DLGAP2: variants seen among roughly 807,000 people sequenced by gnomAD.
DLGAP2 encodes the protein DLG associated protein 2, also known as disks large-associated protein 2.
A neutral mutation model predicts 100.3 loss-of-function variants in DLGAP2; 26 were observed. The observed-to-expected ratio is 0.26, with a 90% CI of 0.19 to 0.36. The LOEUF is 0.36. DLGAP2 is among the 10% of genes least tolerant of loss of function. The pLI is 1.00. For synonymous variants in DLGAP2, 886 were observed against 630.1 expected (o/e 1.41, Z -6.08); for missense variants, 1,858 against 1,453.2 (o/e 1.28, Z -4.53).
chr8:922,646 T>C (rs1229861412), intron 2 of DLGAP2, among the ~76,000 whole-genome samples: 1 of 152,216 alleles, frequency 6.6e-6, no homozygotes, highest in Non-Finnish European at 1.5e-5. Context: ...ATGAACCATA[T>C]CTAATAGAAA....
intron 2 of DLGAP2, among the ~76,000 whole-genome samples, chr8:1,223,755 G>A (rs1446608408): frequency 6.6e-6 from 1 of 152,168 alleles, no homozygotes; most frequent in Non-Finnish European, 1.5e-5. Flanking sequence ...TTCCCTAAGG[G>A]AAGTGGGATA....
At chr8:950,464 G>C (rs1387102162) in intron 2 of DLGAP2, among the ~76,000 whole-genome samples, 1 of 152,028 alleles carries the variant, frequency 6.6e-6, no homozygotes, top group Non-Finnish European at 1.5e-5. Flanking sequence ...ATTTATGAAG[G>C]AACATTTGGT....
At chr8:1,297,104 C>G (rs1392520489) in intron 3 of DLGAP2, 1 of 152,252 alleles carries the variant, frequency 6.6e-6, no homozygotes, top group Non-Finnish European at 1.5e-5. Context: ...TTCCTCTTCT[C>G]CCTCTTTGCT....
chr8:830,524 C>A (rs1044675936), intron 1 of DLGAP2, among the ~76,000 whole-genome samples: 1 of 152,126 alleles, frequency 6.6e-6, no homozygotes, highest in African/African-American at 2.4e-5. Flanking sequence ...TAATTTTTAA[C>A]ATTTGCTTTT....
rs186923624 is a variant in DLGAP2, at chr8:1,585,837, G to A, written c.1442+19943G>A. ...GACTCATTGTAAAGAGCTAACACAC[G>A]TAATTGTGTGAAGTGGAGTGTCACT... On this transcript the variant is annotated intron_variant, in intron 6 of 14. Coordinates refer to ENST00000637795, the MANE Select transcript of DLGAP2 (RefSeq NM_001346810.2). Among the ~76,000 whole-genome samples, 7 of 152,268 alleles carry A rather than the reference G, an allele frequency of 4.6e-5. 1 individual carries two copies. The highest frequency in any genetic ancestry group is 1.9e-4 in the East Asian group (1 of 5,184).
At chr8:1,472,163 G>C (rs1222296812) in intron 3 of DLGAP2, among the ~76,000 whole-genome samples, 2 of 152,212 alleles carry the variant, frequency 1.3e-5, no homozygotes, top group Non-Finnish European at 2.9e-5. Flanking sequence ...CTCAGACGGG[G>C]CCGCACTGGG....
At chr8:1,217,582 T>A (rs1798238910) in intron 2 of DLGAP2, among the ~76,000 whole-genome samples, 1 of 152,184 alleles carries the variant, frequency 6.6e-6, no homozygotes, top group Admixed American at 6.5e-5. Context: ...TGATTTCCTT[T>A]AGCAGTTTTG....
intron 2 of DLGAP2, among the ~76,000 whole-genome samples, chr8:1,063,671 C>T (rs1803157355): frequency 6.6e-6 from 1 of 151,962 alleles, no homozygotes; most frequent in South Asian, 2.1e-4. Flanking sequence ...TTTAAAAGTT[C>T]CTGTTATCAA....
Position 1,565,792 on chromosome 8 carries a change from G to A in DLGAP2, c.1340G>A (p.Ser447Asn), listed in dbSNP as rs1802373534. The A allele has an allele frequency of 6.8e-6, 11 of 1,613,892 alleles. No homozygotes were observed. The highest frequency in any genetic ancestry group is 9.3e-6 in the Non-Finnish European group (11 of 1,179,864). ...ATTAAAGCCATGGGGGACGAGGAGA[G>A]CGGAGAGTCAGACTCCAGCCCCAAG... ...SYIKAMGDEE[S>N]GESDSSPKTS... is the part of the protein sequence containing the mutation. Residue 447 changes from serine (S) to asparagine (N), a missense_variant, in exon 6 of 15, where the codon AGC (serine) becomes AAC (asparagine). Transcript: ENST00000637795.
At chr8:909,499 TTTAAG>T (rs986329996) in intron 2 of DLGAP2, among the ~76,000 whole-genome samples, 2 of 152,168 alleles carry the variant, frequency 1.3e-5, no homozygotes, top group Non-Finnish European at 2.9e-5. Context: ...TGTAAATGGT[TTTAAG>T]TTAATTTGGA....
At chr8:956,567 A>G (rs926091012) in intron 2 of DLGAP2, among the ~76,000 whole-genome samples, 18 of 152,222 alleles carry the variant, frequency 1.2e-4, no homozygotes, top group African/African-American at 4.3e-4. Flanking sequence ...AGGAGGGGCC[A>G]CAGAGCCACG....
chr8:1,635,853 G>C (rs1003256754), intron 8 of DLGAP2, among the ~76,000 whole-genome samples: 2 of 152,184 alleles, frequency 1.3e-5, no homozygotes, highest in African/African-American at 2.4e-5. Flanking sequence ...CCCAGAGGAC[G>C]TCTGTTGGTT....
At chr8:1,555,902 G>C (rs1042239649) in intron 5 of DLGAP2, among the ~76,000 whole-genome samples, 1 of 152,214 alleles carries the variant, frequency 6.6e-6, no homozygotes, top group African/African-American at 2.4e-5. Context: ...AATCCTTCAC[G>C]CCTCCGTTTG....
At chr8:1,331,754 G>T (rs932271368) in intron 3 of DLGAP2, among the ~76,000 whole-genome samples, 1 of 152,180 alleles carries the variant, frequency 6.6e-6, no homozygotes, top group African/African-American at 2.4e-5. Context: ...TTGCTTATGG[G>T]CTGGGCACAC....
intron 6 of DLGAP2, among the ~76,000 whole-genome samples, chr8:1,592,418 T>A (rs2130676181): frequency 6.6e-6 from 1 of 152,234 alleles, no homozygotes; most frequent in Middle Eastern, 3.4e-3. Flanking sequence ...CCCTTGACTT[T>A]ACCCCTGTGT....
intron 3 of DLGAP2, among the ~76,000 whole-genome samples, chr8:1,431,833 CGAT>C (rs1563143486): frequency 6.6e-6 from 1 of 152,176 alleles, no homozygotes; most frequent in African/African-American, 2.4e-5. Flanking sequence ...GCCTCCGTGT[CGAT>C]GGCCACCAAG....
chr8:978,862 A>G (rs912478944), intron 2 of DLGAP2, among the ~76,000 whole-genome samples: 3 of 152,210 alleles, frequency 2.0e-5, no homozygotes, highest in African/African-American at 7.2e-5. Flanking sequence ...GTTAAAAATA[A>G]TGCTGATCCC....
intron 1 of DLGAP2, among the ~76,000 whole-genome samples, chr8:813,022 A>G (rs1216105629): frequency 6.6e-6 from 1 of 152,272 alleles, no homozygotes; most frequent in Non-Finnish European, 1.5e-5. Context: ...ACGTGATAAT[A>G]GAACACATGT....
chr8:1,483,344 G>T (rs925287490), intron 3 of DLGAP2, among the ~76,000 whole-genome samples: 1 of 152,196 alleles, frequency 6.6e-6, no homozygotes. Context: ...CTGGACGTGC[G>T]TGAGGCCGCG....
Sources: allele counts gnomAD v4.1 joint callset (sites outside exome capture counted in the v4.1 genomes callset), GRCh38; gene constraint gnomAD v4.1.1; transcripts MANE v1.5; gene names NCBI Gene and HGNC (gene_info 2026-07-23, HGNC 2026-07-21).